Variants in OLFM1 observed in about 807,000 individuals in gnomAD.
OLFM1 encodes the protein noelin.
In OLFM1, 9 loss-of-function variants were observed where a neutral mutation model predicts 49.7. The ratio of observed to expected loss-of-function variants is 0.18; its 90% CI spans 0.11 to 0.32. The LOEUF (loss-of-function observed/expected upper bound fraction) is 0.32, where lower values mean the gene tolerates loss of function less well. Among genes scored for constraint, OLFM1 ranks in the 10% least tolerant of loss-of-function variants. The pLI, the probability that OLFM1 is intolerant of heterozygous loss-of-function variation, is 1.00. For synonymous variants in OLFM1, 240 were observed against 271.8 expected, an observed-to-expected ratio of 0.88 and a Z score of 1.15; for missense variants, 369 against 661.8, an observed-to-expected ratio of 0.56 and a Z score of 4.85.
At chr9:135,107,166 C>A (rs11787933) in intron 5 of OLFM1, among the ~76,000 whole-genome samples, 23,867 of 122,216 alleles carry the variant, frequency 0.2, 1,991 homozygotes, top group Admixed American at 0.23. Context: ...CTGGGCTGGG[C>A]TGGGCTGGTG....
chr9:135,078,282 C>CA, intron 1 of OLFM1, among the ~76,000 whole-genome samples: 1 of 152,186 alleles, frequency 6.6e-6, no homozygotes, highest in East Asian at 1.9e-4. Flanking sequence ...CTTTTAGCTC[C>CA]TTCCAAGGGA....
chr9:135,103,581 C>T (rs77937821), intron 4 of OLFM1, among the ~76,000 whole-genome samples: 154 of 152,322 alleles, frequency 1.0e-3, no homozygotes, highest in Admixed American at 2.9e-3. Context: ...CAGTGGGGCC[C>T]ATGCAGGAGG....
At position 135,093,405 on chromosome 9, in the gene OLFM1, GC is replaced by G. The variant is rs573596701; in HGVS notation, c.301-2457del. ...TAAGCAAGTTGCTTAACTTCTCTGAGCCTTGGTCTCCCTATGTGTAAAATGG... is the reference window on the plus strand; with the variant it reads ...TAAGCAAGTTGCTTAACTTCTCTGAGCTTGGTCTCCCTATGTGTAAAATGG... On this transcript the variant is annotated intron_variant, in intron 2 of 5. Coordinates refer to ENST00000371793, the MANE Select transcript of OLFM1 (RefSeq NM_001282611.2). 2.6e-3 allele frequency among the ~76,000 whole-genome samples: 403 copies of G among 152,320 alleles called. 7 individuals carry two copies. The highest frequency in any genetic ancestry group is 2.6e-3 in the Non-Finnish European group (175 of 68,032).
chr9:135,077,269 A>G (rs1250309125), intron 1 of OLFM1: 2 of 1,434,628 alleles, frequency 1.4e-6, no homozygotes, highest in South Asian at 1.6e-5. Flanking sequence ...TTATTGAGAC[A>G]CCTTGGCAAA....
chr9:135,087,601 C>A, upstream of OLFM1: 1 of 815,970 alleles, frequency 1.2e-6, no homozygotes, highest in Non-Finnish European at 1.7e-6. Flanking sequence ...GGGCGGATTG[C>A]GTCGGTCCCG....
chr9:135,120,138 A>G lies in OLFM1; in HGVS notation c.1418A>G (p.Asn473Ser). The G allele has an allele frequency of 6.2e-7, 1 of 1,613,712 alleles. No homozygotes were observed. Among genetic ancestry groups the G allele is most frequent in the Non-Finnish European group, 8.5e-7 (1 of 1,179,894 alleles). The change falls in exon 6 of 6, where the codon AAC becomes AGC. Residue 473 changes from asparagine to serine, a missense_variant. Physicochemically the swap from Asn to Ser is conservative, Grantham distance 46 (BLOSUM62 1). Coordinates refer to ENST00000371793, the MANE Select transcript of OLFM1 (RefSeq NM_001282611.2). ...AACAACGGCCACCAGATCCTCTACAACGTGACCCTCTTCCACGTCATCCGC... is the reference window on the plus strand; with the variant it reads ...AACAACGGCCACCAGATCCTCTACAGCGTGACCCTCTTCCACGTCATCCGC... ...AWNNGHQILY[N>S]VTLFHVIRSD...
upstream of OLFM1, chr9:135,086,491 G>T (rs925254472): frequency 3.6e-5 from 14 of 386,702 alleles, no homozygotes; most frequent in African/African-American, 2.9e-4. Context: ...CTTCCGGCCC[G>T]GCGTCCGTCT....
chr9:135,106,451 G>A, intron 4 of OLFM1: 1 of 378,712 alleles, frequency 2.6e-6, no homozygotes, highest in South Asian at 4.3e-5. Context: ...CCATCCCCAG[G>A]CCATGGGTCC....
intron 2 of OLFM1, among the ~76,000 whole-genome samples, chr9:135,093,367 G>C (rs771186672): frequency 1.3e-5 from 2 of 152,230 alleles, no homozygotes; most frequent in Non-Finnish European, 2.9e-5. Flanking sequence ...CAGGCCTCCT[G>C]GCTGGGTGAC....
intron 5 of OLFM1, among the ~76,000 whole-genome samples, 145 bp from the exon 6 acceptor site, chr9:135,119,339 GGGGTCTTTGGAGTGCTTTCT>G (rs1197871011): frequency 1.5e-4 from 18 of 117,762 alleles, no homozygotes; most frequent in East Asian, 6.9e-4. Context: ...AAGTGCTCAC[GGGGTCTTTGGAGTGCTTTCT>G]GGGTCTTTGG....
intron 5 of OLFM1, among the ~76,000 whole-genome samples, chr9:135,116,018 C>T (rs539007981): frequency 1.0e-3 from 152 of 152,188 alleles, no homozygotes; most frequent in Non-Finnish European, 1.9e-3. Context: ...CGCAAGTGCT[C>T]AATCTCCCTA....
chr9:135,117,425 G>A lies in OLFM1; in HGVS notation c.784-2079G>A, dbSNP rs543048961. 1.7e-4 allele frequency among the ~76,000 whole-genome samples: 26 copies of A among 152,348 alleles called. No individual in the cohort carries two copies. Among genetic ancestry groups the A allele is most frequent in the East Asian group, 9.6e-4 (5 of 5,184 alleles). On this transcript the variant is annotated intron_variant, in intron 5 of 5. Transcript: ENST00000371793. This position sits in a 1 kb window ranked among gnomAD's most constrained non-coding sequence, Gnocchi z 5.5. ...CCCTGCAGACAGGATGACTCAGTCC[G>A]TGCCGCAGCGATGGCTTGGTGGGAG...
chr9:135,080,364 T>C lies in OLFM1; in HGVS notation c.96+4562T>C, dbSNP rs1588200546. Among the ~76,000 whole-genome samples the C allele has an allele frequency of 6.6e-6, 1 of 151,966 alleles. No individual in the cohort carries two copies. The highest frequency in any genetic ancestry group is 6.6e-5 in the Admixed American group (1 of 15,236). On this transcript the variant is annotated intron_variant, in intron 1 of 5. Coordinates refer to the OLFM1 transcript ENST00000252854. The surrounding 1 kb of genome is among the most constrained non-coding windows in gnomAD (Gnocchi z 4.5). ...GGTAGGGGGAAGAGTTCAGGTGAAA[T>C]TGGGGTCTTTTCCTAAACCCATTAT...
intron 2 of OLFM1, 28 bp from the exon 3 acceptor site, chr9:135,095,836 T>G (rs866144544): frequency 5.0e-6 from 8 of 1,609,876 alleles, no homozygotes; most frequent in South Asian, 2.2e-5. Context: ...CTGCGGCTGT[T>G]TTGCTGAACC....
chr9:135,100,425 A>G (rs1049794138), intron 4 of OLFM1, among the ~76,000 whole-genome samples: 1 of 152,204 alleles, frequency 6.6e-6, no homozygotes, highest in African/African-American at 2.4e-5. Context: ...ATTTGGGAGT[A>G]AAGAGAGAGG....
chr9:135,090,611 G>C (rs999770080), intron 2 of OLFM1, among the ~76,000 whole-genome samples: 9 of 152,224 alleles, frequency 5.9e-5, no homozygotes, highest in African/African-American at 2.2e-4. Flanking sequence ...TCCAAGGGTG[G>C]TCCAGGAAGA....
At chr9:135,108,361 C>T (rs1163088433) in intron 5 of OLFM1, among the ~76,000 whole-genome samples, 1 of 152,160 alleles carries the variant, frequency 6.6e-6, no homozygotes, top group Non-Finnish European at 1.5e-5. Flanking sequence ...GGCCCGGGCA[C>T]AGTGGCTCAC....
In OLFM1 at chr9:135,088,405, G is replaced by A. The variant is rs1175789583; in HGVS notation, c.150+266G>A. Among the ~76,000 whole-genome samples, 1 of 151,856 alleles carries A rather than the reference G, an allele frequency of 6.6e-6. No individual in the cohort carries two copies. The highest frequency in any genetic ancestry group is 1.5e-5 in the Non-Finnish European group (1 of 67,944). On this transcript the variant is annotated intron_variant, in intron 1 of 5. Coordinates refer to ENST00000371793, the MANE Select transcript of OLFM1 (RefSeq NM_001282611.2). This position sits in a 1 kb window ranked among gnomAD's most constrained non-coding sequence, Gnocchi z 4.8. ...CTTCGTCTGGGCCCCTCGCCGCGGG[G>A]CCGGGGGAGCTTGGTGGGTTCTCGG... is the stretch of plus-strand genomic sequence containing the variant.
At chr9:135,108,217 C>G (rs1830973136) in intron 5 of OLFM1, among the ~76,000 whole-genome samples, 1 of 152,240 alleles carries the variant, frequency 6.6e-6, no homozygotes, top group Admixed American at 6.5e-5. Context: ...ACTCTGACCA[C>G]TCTTTTATTC....
Sources: allele counts gnomAD v4.1 joint callset (sites outside exome capture counted in the v4.1 genomes callset), GRCh38; gene constraint gnomAD v4.1.1; non-coding constraint Gnocchi (gnomAD v3.1); transcripts MANE v1.5; gene names NCBI Gene and HGNC (gene_info 2026-07-23, HGNC 2026-07-21).